The following PDE5A variants were observed in gnomAD, a reference collection of about 807,000 sequenced individuals.
The protein encoded by PDE5A is phosphodiesterase 5A.
PDE5A carries 67 observed loss-of-function variants against 110.2 expected under a neutral mutation model. The ratio of observed to expected loss-of-function variants is 0.61; its 90% confidence interval spans 0.50 to 0.75. The LOEUF (loss-of-function observed/expected upper bound fraction) is 0.75. Among genes scored for constraint, PDE5A ranks in the 30% least tolerant of loss-of-function variants. The pLI is 0.00. For missense variants in PDE5A, 862 were observed against 1,045.1 expected, an observed-to-expected ratio of 0.82 and a Z score of 2.42; for synonymous variants, 328 against 351.2, an observed-to-expected ratio of 0.93 and a Z score of 0.74.
At chr4:119,546,726 T>G (rs2110490797) in intron 9 of PDE5A, among the ~76,000 whole-genome samples, 1 of 151,914 alleles carries the variant, frequency 6.6e-6, no homozygotes, top group East Asian at 1.9e-4. Context: ...AACTAGATTT[T>G]AATCATTTCA....
Position 119,498,619 on chromosome 4 carries a change from G to A in PDE5A, c.2610C>T (p.Gly870=), listed in dbSNP as rs774728491. 1.2e-6 allele frequency: 2 copies of A among 1,613,932 alleles called. No homozygotes were observed. The highest frequency in any genetic ancestry group is 3.3e-5 in the Admixed American group (2 of 59,988). Residue 870 remains glycine, a synonymous_variant, in exon 21 of 21, where the codon GGC becomes GGT. Transcript: ENST00000354960. ...AGGCCACTCAGTTCCGCTTGGCCTG[G>A]CCGCTTTCCCCATTAATCAGCATCT... ...QEKMLINGES[G]QAKRN is the part of the protein sequence containing the mutation.
chr4:119,549,286 T>C (rs2715018), intron 9 of PDE5A: 148,863 of 152,306 alleles, frequency 0.98, 72,841 homozygotes, highest in East Asian at 1. Context: ...TTTGGAGCAT[T>C]GGAATGATGT....
At chr4:119,599,072 C>T (rs1729249731) in intron 2 of PDE5A, among the ~76,000 whole-genome samples, 1 of 152,040 alleles carries the variant, frequency 6.6e-6, no homozygotes, top group Non-Finnish European at 1.5e-5. Context: ...AAGACCACTC[C>T]TTAGGAGTAA....
chr4:119,509,290 C>T (rs1479462153), intron 15 of PDE5A, among the ~76,000 whole-genome samples: 1 of 152,028 alleles, frequency 6.6e-6, no homozygotes, highest in African/African-American at 2.4e-5. Flanking sequence ...GAGGCTGCTT[C>T]TGAGGACATT....
rs1332075239 is a variant in PDE5A, at chr4:119,542,575, G to C, written c.1456C>G (p.Arg486Gly). 1 of 1,613,764 alleles carries C rather than the reference G, an allele frequency of 6.2e-7. No individual in the cohort carries two copies. The change falls in exon 10 of 21, where the codon CGA becomes GGA. Residue 486 changes from arginine to glycine, a missense_variant. Transcript: ENST00000354960. ...GCTTCCAGAAACTGTTCGTCATTTC[G>C]GTTGAAAGGCTTAACCTTGCCAGTA... ...ENTGKVKPFNRNDEQFLEAFV... is the reference protein window; with the variant it reads ...ENTGKVKPFNGNDEQFLEAFV...
At chr4:119,540,050 A>AT (rs1350560153) in intron 10 of PDE5A, among the ~76,000 whole-genome samples, 6 of 151,986 alleles carry the variant, frequency 3.9e-5, no homozygotes, top group Non-Finnish European at 8.8e-5. Flanking sequence ...CTGCAATGGG[A>AT]TTTTTTTTAA....
intron 1 of PDE5A, among the ~76,000 whole-genome samples, chr4:119,609,365 A>T (rs1363707820): frequency 2.0e-5 from 3 of 152,184 alleles, no homozygotes; most frequent in African/African-American, 7.2e-5. Flanking sequence ...CTTATACAAG[A>T]GAACACTAGG....
intron 2 of PDE5A, 68 bp downstream of exon 2, chr4:119,606,641 C>T: frequency 9.2e-7 from 1 of 1,087,968 alleles, no homozygotes; most frequent in Non-Finnish European, 1.4e-6. Context: ...AATGCCCCAG[C>T]CATAGTACCC....
intron 1 of PDE5A, among the ~76,000 whole-genome samples, chr4:119,620,082 A>G (rs1288066259): frequency 6.6e-6 from 1 of 152,240 alleles, no homozygotes; most frequent in Non-Finnish European, 1.5e-5. Flanking sequence ...GCTATGCACT[A>G]GACAGCCTCT....
intron 11 of PDE5A, among the ~76,000 whole-genome samples, chr4:119,531,598 T>C (rs1402926598): frequency 6.6e-6 from 1 of 152,080 alleles, no homozygotes; most frequent in Non-Finnish European, 1.5e-5. Context: ...TGTATAATTT[T>C]TTGAGTGCTT....
At chr4:119,610,322 G>C (rs1288938411) in intron 1 of PDE5A, among the ~76,000 whole-genome samples, 1 of 152,076 alleles carries the variant, frequency 6.6e-6, no homozygotes, top group Non-Finnish European at 1.5e-5. Flanking sequence ...AAATAAAACT[G>C]TTTGGAAAAG....
intron 9 of PDE5A, chr4:119,549,264 A>T (rs1285710662): frequency 2.6e-5 from 4 of 152,236 alleles, no homozygotes; most frequent in Non-Finnish European, 5.9e-5. Context: ...AAGGAACTAA[A>T]ATAAGGTGCC....
chr4:119,616,086 T>C (rs1247126492), intron 1 of PDE5A, among the ~76,000 whole-genome samples: 1 of 152,228 alleles, frequency 6.6e-6, no homozygotes, highest in Non-Finnish European at 1.5e-5. Context: ...TTGTATTACA[T>C]ACCCTTTTAA....
intron 19 of PDE5A, 36 bp from the exon 20 acceptor site, chr4:119,501,289 G>T: frequency 8.4e-7 from 1 of 1,193,978 alleles, no homozygotes; most frequent in Non-Finnish European, 1.2e-6. Flanking sequence ...ACACAGATGT[G>T]CATTTATTTA....
At chr4:119,592,406 C>T (rs1729005493) in intron 3 of PDE5A, among the ~76,000 whole-genome samples, 3 of 132,644 alleles carry the variant, frequency 2.3e-5, no homozygotes, top group African/African-American at 8.7e-5. Flanking sequence ...TGCAGTGAGC[C>T]GAGATCGCAC....
chr4:119,542,984 C>T (rs1167849602), intron 9 of PDE5A: 1 of 194,340 alleles, frequency 5.1e-6, no homozygotes, highest in Non-Finnish European at 1.1e-5. Flanking sequence ...GATTTTGATG[C>T]ACATCAGAAT....
In PDE5A at chr4:119,525,724, A is replaced by G. The variant is rs79784241; in HGVS notation, c.1633-29T>C. 3 of 1,425,270 alleles carry G rather than the reference A, an allele frequency of 2.1e-6. No homozygotes were observed. The highest frequency in any genetic ancestry group is 4.6e-5 in the East Asian group (2 of 43,180). The allele number at this position is 1,425,270 out of a possible 1,614,324, so 88.3% of individuals were successfully genotyped here. On this transcript the variant is annotated intron_variant, in intron 11 of 20. Coordinates refer to ENST00000354960, the MANE Select transcript of PDE5A (RefSeq NM_001083.4). The surrounding 1 kb of genome is among the most constrained non-coding windows in gnomAD (Gnocchi z 4.3). ...GGGTAAGGAAAGAAGAAAAAAAAAAATGCTGTTAATTAAAGCAGCAGTGAT... is the reference window on the plus strand; with the variant it reads ...GGGTAAGGAAAGAAGAAAAAAAAAAGTGCTGTTAATTAAAGCAGCAGTGAT...
chr4:119,498,532 T>C lies in PDE5A; in HGVS notation c.*69A>G. The C allele has an allele frequency of 6.4e-7, 1 of 1,554,252 alleles. No homozygotes were observed. The highest frequency in any genetic ancestry group is 8.9e-7 in the Non-Finnish European group (1 of 1,129,418). On this transcript the variant is annotated 3_prime_UTR_variant, in exon 21 of 21. Coordinates refer to ENST00000354960, the MANE Select transcript of PDE5A (RefSeq NM_001083.4). ...AAATACAGACACTATACAGACAGTG[T>C]GTAAGAAACTAGGCATATTGCAGAA...
chr4:119,518,941 G>A (rs755491136), intron 14 of PDE5A, 104 bp downstream of exon 14: 1 of 699,576 alleles, frequency 1.4e-6, no homozygotes, highest in Admixed American at 2.3e-5. Context: ...ACCAGAGTAT[G>A]TTATGGGACC....
Sources: gnomAD v4.1 joint callset for allele counts (sites outside exome capture counted in the v4.1 genomes callset) on GRCh38, gnomAD v4.1.1 for gene constraint, Gnocchi (gnomAD v3.1) non-coding constraint, MANE v1.5 for transcripts, NCBI Gene and HGNC (gene_info 2026-07-23, HGNC 2026-07-21) for gene names.